Variants in MOV10 observed in about 807,000 individuals in gnomAD.
MOV10 encodes the protein RNA helicase MOV-10.
MOV10 carries 39 observed loss-of-function variants against 108.4 expected under a neutral mutation model. That is an observed-to-expected ratio of 0.36 (90% CI 0.28 to 0.47). MOV10 has a LOEUF of 0.47. Ranked by LOEUF, MOV10 falls within the 20% of genes least tolerant of loss-of-function variation. The pLI is 1.00. For synonymous variants in MOV10, 490 were observed against 523.1 expected, an observed-to-expected ratio of 0.94 and a Z score of 0.86; for missense variants, 952 against 1,297.6, an observed-to-expected ratio of 0.73 and a Z score of 4.09.
chr1:112,693,719 G>T, intron 7 of MOV10: 4 of 162,100 alleles, frequency 2.5e-5, no homozygotes, highest in East Asian at 1.6e-4. Flanking sequence ...ATTAACTGAT[G>T]AACAGGATTT....
chr1:112,674,693 G>A lies in MOV10; in HGVS notation c.-102G>A. On this transcript the variant is annotated 5_prime_UTR_variant, in exon 1 of 21. Coordinates refer to ENST00000369645, the MANE Select transcript of MOV10 (RefSeq NM_001321324.2). Reference sequence around the variant, plus strand: ...AGGAAAGAGTTAATGCGAAGAGGGGGAGGGGATAGGACGAAGAAACCGAAG... The same window carrying A: ...AGGAAAGAGTTAATGCGAAGAGGGGAAGGGGATAGGACGAAGAAACCGAAG... 2.1e-6 allele frequency: 1 copy of A among 480,976 alleles called. No individual in the cohort carries two copies. 29.8% of individuals were successfully genotyped at this position (480,976 alleles called of 1,614,324 possible). A position where few individuals can be genotyped will look rare whatever the true frequency, so the allele number is the denominator to read the frequency against.
chr1:112,697,891 G>A (rs778406740), intron 14 of MOV10, 103 bp from the exon 15 acceptor site: 6 of 896,646 alleles, frequency 6.7e-6, no homozygotes, highest in African/African-American at 1.6e-5. Flanking sequence ...AGCCAGCGGG[G>A]TAGCAGGCTA....
In MOV10 at chr1:112,674,720, G is replaced by A; in HGVS notation, c.-75G>A. ...GGGGATAGGACGAAGAAACCGAAGGGAAAGCTCAGGTAAGAAAAGAACGGA... is the reference window on the plus strand; with the variant it reads ...GGGGATAGGACGAAGAAACCGAAGGAAAAGCTCAGGTAAGAAAAGAACGGA... On this transcript the variant is annotated 5_prime_UTR_variant, in exon 1 of 21. Transcript: ENST00000369645. 1 of 526,136 alleles carries A rather than the reference G, an allele frequency of 1.9e-6. No individual in the cohort carries two copies. The highest frequency in any genetic ancestry group is 3.3e-6 in the Non-Finnish European group (1 of 305,974). The allele number at this position is 526,136 out of a possible 1,614,324, so 32.6% of individuals were successfully genotyped here. A position where few individuals can be genotyped will look rare whatever the true frequency, so the allele number is the denominator to read the frequency against.
intron 2 of MOV10, among the ~76,000 whole-genome samples, chr1:112,676,030 G>C (rs2101228091): frequency 6.6e-6 from 1 of 152,272 alleles, no homozygotes; most frequent in South Asian, 2.1e-4. Context: ...GGGGGAAAAG[G>C]GTAGAGACTC....
Position 112,698,375 on chromosome 1 carries a change from C to T in MOV10, c.2405C>T (p.Thr802Ile). ...PSFFNPEEAA[T>I]VTSYLKLLLA... The stretch of plus-strand genomic sequence containing the variant: ...TTCTTCAACCCTGAAGAGGCTGCCA[C>T]AGTGACTTCCTACCTGAAGCTGCTC... Residue 802 changes from threonine to isoleucine, a missense_variant, in exon 16 of 21, where the codon ACA becomes ATA. This residue lies in a region of MOV10 where 453 missense variants were observed against 611.5 expected (regional missense o/e 0.74). Coordinates refer to ENST00000369645, the MANE Select transcript of MOV10 (RefSeq NM_001321324.2). 6.2e-7 allele frequency: 1 copy of T among 1,614,108 alleles called. No homozygotes were observed. The highest frequency in any genetic ancestry group is 8.5e-7 in the Non-Finnish European group (1 of 1,180,044).
intron 2 of MOV10, among the ~76,000 whole-genome samples, chr1:112,683,139 C>T (rs1035007949): frequency 6.6e-5 from 10 of 151,380 alleles, no homozygotes; most frequent in African/African-American, 9.7e-5. Context: ...ACGCTGGTCT[C>T]GAACTCCTGA....
chr1:112,694,517 C>T lies in MOV10; in HGVS notation c.1360C>T (p.Leu454=), dbSNP rs1171792121. 1.2e-6 allele frequency: 2 copies of T among 1,614,172 alleles called. No homozygotes were observed. Among genetic ancestry groups the T allele is most frequent in the Admixed American group, 3.3e-5 (2 of 60,014 alleles). The change falls in exon 9 of 21, where the codon CTG becomes TTG. Residue 454 remains leucine (L), a synonymous_variant. Coordinates refer to ENST00000369645, the MANE Select transcript of MOV10 (RefSeq NM_001321324.2). This position sits in a 1 kb window ranked among gnomAD's most constrained non-coding sequence, Gnocchi z 4.1. ...GAACTTTACCTTCAACCGCCAGCCG[C>T]TGCGAGTCCAGCACCGTGCCCTGGA... ...KVNFTFNRQP[L]RVQHRALELT... is the part of the protein sequence containing the mutation.
intron 2 of MOV10, among the ~76,000 whole-genome samples, chr1:112,680,740 T>C (rs1255749513): frequency 7.1e-6 from 1 of 141,418 alleles, no homozygotes; most frequent in Non-Finnish European, 1.5e-5. Context: ...TCTCTCTCTG[T>C]CACTTAGGCT....
chr1:112,688,967 T>C lies in MOV10; in HGVS notation c.170T>C (p.Met57Thr). Residue 57 changes from methionine to threonine, a missense_variant, in exon 3 of 21, where the codon ATG (methionine) becomes ACG (threonine). Coordinates refer to ENST00000369645, the MANE Select transcript of MOV10 (RefSeq NM_001321324.2). ...ACCCCCGCCCCTGGCTTCTCCTCCA[T>C]GCTGTATGGAATGAAGATTGCAAAT... ...FGTPAPGFSS[M>T]LYGMKIANLA... The C allele has an allele frequency of 1.2e-6, 2 of 1,612,362 alleles. No individual in the cohort carries two copies. Among genetic ancestry groups the C allele is most frequent in the Non-Finnish European group, 1.7e-6 (2 of 1,180,016 alleles).
At chr1:112,692,432 G>A (rs1419256466) in intron 6 of MOV10, among the ~76,000 whole-genome samples, 1 of 152,232 alleles carries the variant, frequency 6.6e-6, no homozygotes, top group Non-Finnish European at 1.5e-5. Context: ...GCCTGTTTGA[G>A]GTAGTGATGT....
intron 19 of MOV10, 64 bp from the exon 20 acceptor site, chr1:112,700,155 C>A: frequency 1.2e-6 from 2 of 1,611,092 alleles, no homozygotes; most frequent in Non-Finnish European, 1.7e-6. Flanking sequence ...GCAAGTACAG[C>A]TCAGATGGGA....
In MOV10 at chr1:112,696,641, G is replaced by A; in HGVS notation, c.1993G>A (p.Val665Ile). Residue 665 changes from valine (V) to isoleucine (I), a missense_variant, in exon 14 of 21, where the codon GTA becomes ATA. Coordinates refer to ENST00000369645, the MANE Select transcript of MOV10 (RefSeq NM_001321324.2). Reference protein sequence around the residue: ...SLVAIAGLMEVKETGDPGGQL... With the variant: ...SLVAIAGLMEIKETGDPGGQL... Reference sequence around the variant, plus strand: ...CTTCTGCTTCCCAGGGCTGATGGAAGTAAAGGAAACAGGTGATCCAGGAGG... The same window carrying A: ...CTTCTGCTTCCCAGGGCTGATGGAAATAAAGGAAACAGGTGATCCAGGAGG... The A allele has an allele frequency of 4.3e-6, 7 of 1,612,590 alleles. No homozygotes were observed. Among genetic ancestry groups the A allele is most frequent in the African/African-American group, 1.3e-5 (1 of 75,012 alleles).
At position 112,700,233 on chromosome 1, in the gene MOV10, G is replaced by A; in HGVS notation, c.2813G>A (p.Cys938Tyr). 1 of 1,614,044 alleles carries A rather than the reference G, an allele frequency of 6.2e-7. No individual in the cohort carries two copies. The highest frequency in any genetic ancestry group is 8.5e-7 in the Non-Finnish European group (1 of 1,179,928). The change falls in exon 20 of 21, where the codon TGT (cysteine) becomes TAT (tyrosine). Residue 938 changes from cysteine to tyrosine, a missense_variant. Cys to Tyr is a radical substitution (Grantham distance 194). This residue lies in a region of MOV10 where 65 missense variants were observed against 124.3 expected (regional missense o/e 0.52). Transcript: ENST00000369645. ...DPDWKVFLEF[C>Y]KENGGYTGCP... is the part of the protein sequence containing the mutation. ...GTACCCCACAGATTCCTGGAGTTCTGTAAAGAAAACGGAGGGTATACCGGG... is the reference window on the plus strand; with the variant it reads ...GTACCCCACAGATTCCTGGAGTTCTATAAAGAAAACGGAGGGTATACCGGG...
chr1:112,682,861 C>T (rs972374134), intron 2 of MOV10, among the ~76,000 whole-genome samples: 2 of 151,902 alleles, frequency 1.3e-5, no homozygotes, highest in South Asian at 4.1e-4. Context: ...ATATTTATTC[C>T]CCTGTTTATG....
intron 3 of MOV10, 34 bp from the exon 4 acceptor site, chr1:112,689,381 A>ACCCCCCCC: frequency 1.4e-6 from 1 of 738,822 alleles, no homozygotes; most frequent in Non-Finnish European, 2.4e-6. Context: ...GACCGCTCCC[A>ACCCCCCCC]CCCCAACCCC....
intron 2 of MOV10, among the ~76,000 whole-genome samples, chr1:112,681,418 C>T (rs1043384817): frequency 2.0e-4 from 31 of 152,138 alleles, no homozygotes; most frequent in Admixed American, 1.2e-3. Context: ...CACTTGAACC[C>T]GGGAGGCGGA....
In MOV10 at chr1:112,694,756, G is replaced by T; in HGVS notation, c.1480G>T (p.Asp494Tyr). 2 of 1,614,036 alleles carry T rather than the reference G, an allele frequency of 1.2e-6. No individual in the cohort carries two copies. Among genetic ancestry groups the T allele is most frequent in the Non-Finnish European group, 1.7e-6 (2 of 1,179,946 alleles). The change falls in exon 10 of 21, where the codon GAC (aspartate) becomes TAC (tyrosine). Residue 494 changes from aspartate (D) to tyrosine (Y), a missense_variant. Asp to Tyr is a radical substitution (Grantham distance 160). Around this residue, in one of 5 missense-constraint regions of MOV10, gnomAD observed 453 missense variants for 611.5 expected, o/e 0.74. Transcript: ENST00000369645. The surrounding 1 kb of genome is among the most constrained non-coding windows in gnomAD (Gnocchi z 4.1). ...LPSDVKLKLY[D>Y]RSLESNPEQL... ...TCCTGGTCCCTCTGCCAGGCTGTAC[G>T]ACCGGAGTCTGGAGTCAAACCCAGA...
chr1:112,683,716 CT>C (rs1672844363), intron 2 of MOV10, among the ~76,000 whole-genome samples: 2 of 152,178 alleles, frequency 1.3e-5, no homozygotes, highest in Non-Finnish European at 2.9e-5. Context: ...TGTGGTACAT[CT>C]TTTCAATGGC....
intron 6 of MOV10, 122 bp from the exon 7 acceptor site, chr1:112,692,639 C>A (rs898495622): frequency 9.7e-6 from 13 of 1,342,710 alleles, no homozygotes; most frequent in Non-Finnish European, 1.3e-5. Context: ...CTCTAGTCTT[C>A]TCTGCTTTTT....
Sources: allele counts gnomAD v4.1 joint callset (sites outside exome capture counted in the v4.1 genomes callset), GRCh38; gene constraint gnomAD v4.1.1; regional missense constraint gnomAD v4.1.1; non-coding constraint Gnocchi (gnomAD v3.1); transcripts MANE v1.5; gene names NCBI Gene and HGNC (gene_info 2026-07-23, HGNC 2026-07-21).